SENP7: variants seen among roughly 807,000 people sequenced by gnomAD.
SENP7 encodes the protein sentrin-specific protease 7.
A neutral mutation model predicts 141.2 loss-of-function variants in SENP7; 64 were observed. That is an observed-to-expected ratio of 0.45 (90% CI 0.37 to 0.56). The LOEUF (loss-of-function observed/expected upper bound fraction) is 0.56, where lower values mean the gene tolerates loss of function less well. SENP7 is among the 20% of genes least tolerant of loss of function. The pLI is 0.00. For synonymous variants in SENP7, 382 were observed against 426.4 expected (o/e 0.90, Z 1.28); for missense variants, 1,025 against 1,212.2 (o/e 0.85, Z 2.29).
intron 3 of SENP7, among the ~76,000 whole-genome samples, chr3:101,492,033 G>A (rs558640443): frequency 5.9e-5 from 9 of 152,140 alleles, no homozygotes; most frequent in South Asian, 2.1e-4. Context: ...CAGAGGTTGC[G>A]GTGAGCCGAG....
chr3:101,487,136 T>C (rs894383769), intron 3 of SENP7, among the ~76,000 whole-genome samples: 1 of 152,046 alleles, frequency 6.6e-6, no homozygotes, highest in African/African-American at 2.4e-5. Flanking sequence ...CTAATAGACC[T>C]AAGAAATGAA....
chr3:101,390,232 A>AAC (rs1559757748), intron 6 of SENP7, among the ~76,000 whole-genome samples: 1 of 146,810 alleles, frequency 6.8e-6, no homozygotes, highest in African/African-American at 2.4e-5. Flanking sequence ...AAAAAAAAAA[A>AAC]AAAAAAAAAA....
rs575920841 is a variant in SENP7 at position 101,469,692 on chromosome 3, C to T, written c.187-10640G>A. Among the ~76,000 whole-genome samples, 18 of 109,482 alleles carry T rather than the reference C, an allele frequency of 1.6e-4. 5 individuals carry two copies. Among genetic ancestry groups the T allele is most frequent in the South Asian group, 9.8e-4 (3 of 3,048 alleles). 71.8% of individuals were successfully genotyped at this position (109,482 alleles called of 152,430 possible). On this transcript the variant is annotated intron_variant, in intron 3 of 23. Transcript: ENST00000394095. Reference sequence around the variant, plus strand: ...ACAAAAAATTAGCCGGGCGCGGTGGCGGGCGCCTGTAGTCCCAGCTACTCG... The same window carrying T: ...ACAAAAAATTAGCCGGGCGCGGTGGTGGGCGCCTGTAGTCCCAGCTACTCG...
chr3:101,374,649 G>A (rs1334152592), intron 6 of SENP7, among the ~76,000 whole-genome samples: 6 of 151,678 alleles, frequency 4.0e-5, no homozygotes, highest in Admixed American at 2.0e-4. Context: ...ATGATGGTAT[G>A]CCCCTGTAGT....
chr3:101,393,988 T>C (rs986572949), intron 6 of SENP7, among the ~76,000 whole-genome samples: 24 of 152,334 alleles, frequency 1.6e-4, no homozygotes, highest in African/African-American at 5.1e-4. Flanking sequence ...TCCTCTCTTC[T>C]AGCTATTTTA....
At chr3:101,418,368 T>C (rs1041283136) in intron 4 of SENP7, among the ~76,000 whole-genome samples, 2 of 152,136 alleles carry the variant, frequency 1.3e-5, no homozygotes, top group African/African-American at 4.8e-5. Flanking sequence ...AGCAACACTT[T>C]TGCCCATCAT....
chr3:101,425,983 C>T (rs934490546), intron 4 of SENP7, among the ~76,000 whole-genome samples: 6 of 152,112 alleles, frequency 3.9e-5, no homozygotes, highest in Admixed American at 2.6e-4. Context: ...AAGAAACAAA[C>T]AAAACCTCTG....
Position 101,446,335 on chromosome 3 carries a change from G to C in SENP7, c.284+12620C>G, listed in dbSNP as rs1009918980. On this transcript the variant is annotated intron_variant, in intron 4 of 23. Transcript: ENST00000394095. Reference sequence around the variant, plus strand: ...AGTTCTTTATAGCAATGTGAGAATGGACTAATACACTCTCTTTGAACACTA... The same window carrying C: ...AGTTCTTTATAGCAATGTGAGAATGCACTAATACACTCTCTTTGAACACTA... Among the ~76,000 whole-genome samples the C allele has an allele frequency of 3.9e-5, 6 of 152,200 alleles. No homozygotes were observed. The East Asian group carries it at 1.2e-3, about 29-fold the overall frequency.
At chr3:101,379,074 A>C (rs1172578943) in intron 6 of SENP7, among the ~76,000 whole-genome samples, 5 of 152,172 alleles carry the variant, frequency 3.3e-5, no homozygotes, top group Non-Finnish European at 2.9e-5. Flanking sequence ...CCCAGAAATA[A>C]ACCCTCAAAT....
At chr3:101,401,689 A>G (rs186013765) in intron 5 of SENP7, among the ~76,000 whole-genome samples, 257 of 152,346 alleles carry the variant, frequency 1.7e-3, no homozygotes, top group African/African-American at 5.9e-3. Context: ...AGCCTAACTC[A>G]GAGCAAGATA....
At chr3:101,375,566 A>G (rs1304886176) in intron 6 of SENP7, among the ~76,000 whole-genome samples, 1 of 150,180 alleles carries the variant, frequency 6.7e-6, no homozygotes, top group East Asian at 1.9e-4. Flanking sequence ...AAAAAAAAAA[A>G]AAGAAGCTAA....
At chr3:101,499,408 A>T (rs1314863494) in intron 2 of SENP7, among the ~76,000 whole-genome samples, 2 of 152,012 alleles carry the variant, frequency 1.3e-5, no homozygotes, top group Non-Finnish European at 2.9e-5. Flanking sequence ...TCGCTCTGTC[A>T]CCCAGACTGG....
chr3:101,412,570 A>T (rs2061486386), intron 5 of SENP7, among the ~76,000 whole-genome samples: 1 of 152,148 alleles, frequency 6.6e-6, no homozygotes, highest in Non-Finnish European at 1.5e-5. Flanking sequence ...ACACATATAA[A>T]TTTAAGACAA....
chr3:101,399,101 T>C (rs2061058337), intron 5 of SENP7, 46 bp from the exon 6 acceptor site: 1 of 1,254,520 alleles, frequency 8.0e-7, no homozygotes, highest in Non-Finnish European at 1.1e-6. Flanking sequence ...AAGTTTTCAG[T>C]TAAAAAAAAA....
chr3:101,392,719 C>A (rs1441661538), intron 6 of SENP7, among the ~76,000 whole-genome samples: 1 of 152,178 alleles, frequency 6.6e-6, no homozygotes, highest in Admixed American at 6.5e-5. Context: ...ACAAAAGACA[C>A]CAAATAACCA....
chr3:101,335,566 C>G (rs545320098), intron 17 of SENP7, among the ~76,000 whole-genome samples: 1 of 152,046 alleles, frequency 6.6e-6, no homozygotes, highest in African/African-American at 2.4e-5. Context: ...ATGCCACTCA[C>G]GTAACTTTAT....
At chr3:101,510,049 G>C (rs962397312) in intron 1 of SENP7, among the ~76,000 whole-genome samples, 2 of 152,146 alleles carry the variant, frequency 1.3e-5, no homozygotes, top group African/African-American at 4.8e-5. Flanking sequence ...GTTGAAAACT[G>C]GTTCAAATTT....
At chr3:101,375,468 G>C (rs1407069233) in intron 6 of SENP7, among the ~76,000 whole-genome samples, 1 of 151,032 alleles carries the variant, frequency 6.6e-6, no homozygotes, top group Non-Finnish European at 1.5e-5. Context: ...CTTGAACCCG[G>C]GAGGCGGAGA....
intron 6 of SENP7, among the ~76,000 whole-genome samples, chr3:101,383,533 C>G (rs2060566072): frequency 6.6e-6 from 1 of 152,318 alleles, no homozygotes; most frequent in African/African-American, 2.4e-5. Context: ...GGCCCCCATG[C>G]CCCCGCACAC....
Sources: gnomAD v4.1 joint callset for allele counts (sites outside exome capture counted in the v4.1 genomes callset) on GRCh38, gnomAD v4.1.1 for gene constraint, MANE v1.5 for transcripts, NCBI Gene and HGNC (gene_info 2026-07-23, HGNC 2026-07-21) for gene names.